The following FBRS variants were observed in gnomAD, a reference collection of about 807,000 sequenced individuals.
FBRS encodes the protein fibrosin.
In FBRS, 15 loss-of-function variants were observed where a neutral mutation model predicts 86.1. The ratio of observed to expected loss-of-function variants is 0.17; its 90% CI spans 0.12 to 0.27. The LOEUF (loss-of-function observed/expected upper bound fraction) is 0.27, where lower values mean the gene tolerates loss of function less well. Among genes scored for constraint, FBRS ranks in the 10% least tolerant of loss-of-function variants. The pLI is 1.00. For synonymous variants in FBRS, 666 were observed against 575.8 expected, an observed-to-expected ratio of 1.16 and a Z score of -2.24; for missense variants, 1,367 against 1,301.6, an observed-to-expected ratio of 1.05 and a Z score of -0.77.
Position 30,669,289 on chromosome 16 carries a change from C to T in FBRS, c.2587C>T (p.Arg863Trp), listed in dbSNP as rs761979421. 5.7e-6 allele frequency: 9 copies of T among 1,580,834 alleles called. No homozygotes were observed. The highest frequency in any genetic ancestry group is 2.3e-5 in the East Asian group (1 of 42,724). The change falls in exon 18 of 18, where the codon CGG (arginine) becomes TGG (tryptophan). Residue 863 changes from arginine (R) to tryptophan (W), a missense_variant. By Grantham distance (101) the Arg-to-Trp change is moderately radical. Around this residue, in one of 3 missense-constraint regions of FBRS, gnomAD observed 659 missense variants for 678.8 expected, o/e 0.97. Transcript: ENST00000356166. The surrounding 1 kb of genome is among the most constrained non-coding windows in gnomAD (Gnocchi z 5.9). The stretch of plus-strand genomic sequence containing the variant: ...CCTTCACCTGCTGTTTGAGAGGCCC[C>T]GGCCGCCCCCGTTTCTGGGCCCTAG... Reference protein sequence around the residue: ...QGLHLLFERPRPPPFLGPSPP... With the variant: ...QGLHLLFERPWPPPFLGPSPP...
chr16:30,661,411 GCAGA>G, intron 4 of FBRS, 78 bp downstream of exon 4: 1 of 1,549,822 alleles, frequency 6.5e-7, no homozygotes, highest in Middle Eastern at 1.7e-4. Flanking sequence ...TCTGCGTGCA[GCAGA>G]CAGCCTTCCC....
chr16:30,664,668 G>C (rs1169043849), intron 7 of FBRS, 47 bp from the exon 8 acceptor site: 15 of 1,464,686 alleles, frequency 1.0e-5, no homozygotes, highest in Non-Finnish European at 1.4e-5. Flanking sequence ...GCCCAAGGAG[G>C]CTGATGTGGC....
At position 30,660,325 on chromosome 16, in the gene FBRS, GA is replaced by G. The variant is rs1177427296; in HGVS notation, c.526del (p.Arg176GlyfsTer115). ...EHRLKHSGKR[K>X]RGGSSGATGE... Reference sequence around the variant, plus strand: ...ATCGGCTGAAGCATTCTGGGAAGCGGAAAAGGGGGGGCTCCAGTGGGGCCAC... The same window carrying G: ...ATCGGCTGAAGCATTCTGGGAAGCGGAAAGGGGGGGCTCCAGTGGGGCCAC... On this transcript the variant is annotated frameshift_variant, in exon 2 of 18. Transcript: ENST00000356166. LOFTEE classifies it high-confidence loss of function. The G allele has an allele frequency of 4.6e-6, 6 of 1,302,584 alleles. No homozygotes were observed. The South Asian group carries it at 7.3e-5, about 16-fold the overall frequency. 80.7% of individuals were successfully genotyped at this position (1,302,584 alleles called of 1,614,324 possible).
intron 5 of FBRS, 34 bp from the exon 6 acceptor site, chr16:30,662,525 C>T: frequency 6.5e-7 from 1 of 1,549,940 alleles, no homozygotes; most frequent in Non-Finnish European, 8.7e-7. Flanking sequence ...GAGCATGAGC[C>T]TCAACTGAGC....
At chr16:30,668,476 C>G (rs928387275) in intron 15 of FBRS, 84 bp from the exon 16 acceptor site, 1 of 1,240,760 alleles carries the variant, frequency 8.1e-7, no homozygotes. Flanking sequence ...CTCCAGGCAC[C>G]GGTCCTGCCT....
In FBRS at chr16:30,670,322, G is replaced by A. The variant is rs1299250770; in HGVS notation, c.*677G>A. 7.5e-6 allele frequency: 3 copies of A among 400,904 alleles called. No homozygotes were observed. Among genetic ancestry groups the A allele is most frequent in the Non-Finnish European group, 1.5e-5 (3 of 202,210 alleles). The allele number at this position is 400,904 out of a possible 1,614,324, so 24.8% of individuals were successfully genotyped here. Reference sequence around the variant, plus strand: ...GATGACCAACAGGGGGCAGGACCTGGGGACCTGGGCTGGAGGGAAGGGCAG... The same window carrying A: ...GATGACCAACAGGGGGCAGGACCTGAGGACCTGGGCTGGAGGGAAGGGCAG... On this transcript the variant is annotated 3_prime_UTR_variant, in exon 18 of 18. Coordinates refer to ENST00000356166, the MANE Select transcript of FBRS (RefSeq NM_001105079.3).
Position 30,662,407 on chromosome 16 carries a change from C to T in FBRS, c.706-13C>T, listed in dbSNP as rs1567544321. On this transcript the variant is annotated splice_polypyrimidine_tract_variant and intron_variant, in intron 4 of 17. Transcript: ENST00000356166. ...CCCACAACCTAACTCTATCCCTTGC[C>T]CTTCTTCCCCAGGTCTCCGATGATG... The T allele has an allele frequency of 1.9e-6, 3 of 1,550,416 alleles. No homozygotes were observed. Among genetic ancestry groups the T allele is most frequent in the African/African-American group, 1.4e-5 (1 of 73,164 alleles).
chr16:30,663,468 G>A (rs2052484441), intron 6 of FBRS, among the ~76,000 whole-genome samples: 1 of 151,698 alleles, frequency 6.6e-6, no homozygotes, highest in Non-Finnish European at 1.5e-5. Flanking sequence ...TGAGTGTCAT[G>A]CCTCAGCCCC....
chr16:30,665,143 T>C lies in FBRS; in HGVS notation c.1608+64T>C. 4 of 1,580,376 alleles carry C rather than the reference T, an allele frequency of 2.5e-6. No individual in the cohort carries two copies. Among genetic ancestry groups the C allele is most frequent in the Non-Finnish European group, 1.7e-6 (2 of 1,163,518 alleles). On this transcript the variant is annotated intron_variant, in intron 9 of 17. Transcript: ENST00000356166. This position sits in a 1 kb window ranked among gnomAD's most constrained non-coding sequence, Gnocchi z 4.1. ...GTGGGCGTGGATGCATCCATGCTTG[T>C]GACCCTGACTGCTGGGGTCCAGTCT...
chr16:30,661,074 G>C, intron 2 of FBRS, 106 bp from the exon 3 acceptor site: 1 of 1,509,896 alleles, frequency 6.6e-7, no homozygotes, highest in African/African-American at 1.4e-5. Context: ...GGAAGGAGAG[G>C]CTGAGAGTAG....
rs2052578087 is a variant in FBRS, at chr16:30,670,051, G to A, written c.*406G>A. 4.0e-6 allele frequency: 2 copies of A among 496,710 alleles called. No homozygotes were observed. Among genetic ancestry groups the A allele is most frequent in the Non-Finnish European group, 7.9e-6 (2 of 254,274 alleles). 30.8% of individuals were successfully genotyped at this position (496,710 alleles called of 1,614,324 possible). On this transcript the variant is annotated 3_prime_UTR_variant, in exon 18 of 18. Coordinates refer to ENST00000356166, the MANE Select transcript of FBRS (RefSeq NM_001105079.3). The stretch of plus-strand genomic sequence containing the variant: ...AAGTCCTCATGCCCTCCGAGGGCTG[G>A]GGGAGGAGGGGCTCAAGGAAGGGGG...
At position 30,659,792 on chromosome 16, in the gene FBRS, C is replaced by A; in HGVS notation, c.274C>A (p.Arg92=). 1 of 1,496,908 alleles carries A rather than the reference C, an allele frequency of 6.7e-7. No individual in the cohort carries two copies. Among genetic ancestry groups the A allele is most frequent in the Non-Finnish European group, 8.9e-7 (1 of 1,127,578 alleles). 92.7% of individuals were successfully genotyped at this position (1,496,908 alleles called of 1,614,324 possible). ...GCCCCGTCCGAGACCTCGACCCCCG[C>A]GACCCCGAGCTCGGAAGCGGCCTGC... ...RRPRPRPRPP[R]PRARKRPAGS... The change falls in exon 1 of 18, where the codon CGA becomes AGA. Residue 92 remains arginine, a synonymous_variant. Coordinates refer to ENST00000356166, the MANE Select transcript of FBRS (RefSeq NM_001105079.3).
At position 30,659,116 on chromosome 16, in the gene FBRS, CT is replaced by C. The variant is rs2052421210; in HGVS notation, c.-399del. ...GCGTTTCGGGGCGAGCTTTCGGCCC[CT>C]TTTAAAGGGGTGGCCCTTCCTCTTC... On this transcript the variant is annotated 5_prime_UTR_variant, in exon 1 of 18. Coordinates refer to ENST00000356166, the MANE Select transcript of FBRS (RefSeq NM_001105079.3). 6.6e-6 allele frequency: 1 copy of C among 152,296 alleles called. No individual in the cohort carries two copies. Among genetic ancestry groups the C allele is most frequent in the Non-Finnish European group, 1.5e-5 (1 of 68,172 alleles). 9.4% of individuals were successfully genotyped at this position (152,296 alleles called of 1,614,324 possible).
Position 30,667,002 on chromosome 16 carries a change from G to A in FBRS, c.1875+12G>A, listed in dbSNP as rs754858844. The A allele has an allele frequency of 2.5e-6, 4 of 1,598,398 alleles. No individual in the cohort carries two copies. Among genetic ancestry groups the A allele is most frequent in the Middle Eastern group, 1.8e-4 (1 of 5,622 alleles). ...AGGAGAAAATGAAGGTACTGGGGCC[G>A]GAGGGCTGGGGAGAGTGGGTCTCAG... On this transcript the variant is annotated intron_variant, in intron 13 of 17. Transcript: ENST00000356166.
rs1474473513 is a variant in FBRS at position 30,664,467 on chromosome 16, G to A, written c.1308G>A (p.Leu436=). 1 of 1,086,934 alleles carries A rather than the reference G, an allele frequency of 9.2e-7. No individual in the cohort carries two copies. The allele number at this position is 1,086,934 out of a possible 1,614,324, so 67.3% of individuals were successfully genotyped here. Residue 436 remains leucine, a synonymous_variant, in exon 7 of 18, where the codon CTG becomes CTA. Transcript: ENST00000356166. ...CCACCCTGCCCCCACCCCCACCCCT[G>A]CTGCAGGTGCCAGGGCACCCTGGGG... ...PGPTLPPPPP[L]LQVPGHPGAS... is the part of the protein sequence containing the mutation.
intron 4 of FBRS, chr16:30,662,179 T>C: frequency 1.7e-6 from 1 of 578,294 alleles, no homozygotes; most frequent in Non-Finnish European, 2.9e-6. Context: ...TCTCTGCTGC[T>C]TCAACGCTGC....
In FBRS at chr16:30,664,255, G is replaced by A. The variant is rs939368702; in HGVS notation, c.1096G>A (p.Ala366Thr). Residue 366 changes from alanine to threonine, a missense_variant, in exon 7 of 18, where the codon GCT becomes ACT. By Grantham distance (58) the Ala-to-Thr change is moderately conservative (BLOSUM62 0). Coordinates refer to ENST00000356166, the MANE Select transcript of FBRS (RefSeq NM_001105079.3). Reference protein sequence around the residue: ...PPPKAPAPPVAQPPPSSSSSS... With the variant: ...PPPKAPAPPVTQPPPSSSSSS... Reference sequence around the variant, plus strand: ...CCCCAAGGCCCCGGCCCCTCCCGTGGCTCAGCCTCCCCCCTCATCATCCTC... The same window carrying A: ...CCCCAAGGCCCCGGCCCCTCCCGTGACTCAGCCTCCCCCCTCATCATCCTC... The A allele has an allele frequency of 8.4e-6, 12 of 1,429,332 alleles. No homozygotes were observed. The highest frequency in any genetic ancestry group is 1.1e-5 in the Non-Finnish European group (12 of 1,077,516). 88.5% of individuals were successfully genotyped at this position (1,429,332 alleles called of 1,614,324 possible). A position where few individuals can be genotyped will look rare whatever the true frequency, so the allele number is the denominator to read the frequency against.
At chr16:30,661,611 C>T (rs956016722) in intron 4 of FBRS, among the ~76,000 whole-genome samples, 1 of 152,118 alleles carries the variant, frequency 6.6e-6, no homozygotes, top group Admixed American at 6.6e-5. Flanking sequence ...TGGTTCTCCA[C>T]GGAAACCCAG....
Position 30,669,020 on chromosome 16 carries a change from C to T in FBRS, c.2366+41C>T, listed in dbSNP as rs2052558358. The T allele has an allele frequency of 1.3e-6, 2 of 1,567,124 alleles. No homozygotes were observed. Among genetic ancestry groups the T allele is most frequent in the Non-Finnish European group, 1.7e-6 (2 of 1,157,126 alleles). Reference sequence around the variant, plus strand: ...ACCCTGCCCCTGCCCCACCCTCAGCCCCTGCTGCCCCTGGAGAACTTCATT... The same window carrying T: ...ACCCTGCCCCTGCCCCACCCTCAGCTCCTGCTGCCCCTGGAGAACTTCATT... On this transcript the variant is annotated intron_variant, in intron 17 of 17. Transcript: ENST00000356166. This position sits in a 1 kb window ranked among gnomAD's most constrained non-coding sequence, Gnocchi z 5.9.
Sources: allele counts gnomAD v4.1 joint callset (sites outside exome capture counted in the v4.1 genomes callset), GRCh38; gene constraint gnomAD v4.1.1; regional missense constraint gnomAD v4.1.1; non-coding constraint Gnocchi (gnomAD v3.1); transcripts MANE v1.5; gene names NCBI Gene and HGNC (gene_info 2026-07-23, HGNC 2026-07-21).